The following DNAH10 variants were observed in gnomAD, a reference collection of about 807,000 sequenced individuals.
DNAH10 encodes the protein dynein axonemal heavy chain 10.
A neutral mutation model predicts 506.6 loss-of-function variants in DNAH10; 348 were observed. The ratio of observed to expected loss-of-function variants is 0.69; its 90% CI spans 0.63 to 0.75. The LOEUF (loss-of-function observed/expected upper bound fraction) is 0.75, where lower values mean the gene tolerates loss of function less well. Ranked by LOEUF, DNAH10 falls within the 30% of genes least tolerant of loss-of-function variation. The pLI, the probability that DNAH10 is intolerant of heterozygous loss-of-function variation, is 0.00. For missense variants in DNAH10, 5,179 were observed against 5,787.1 expected (o/e 0.89, Z 3.41); for synonymous variants, 2,059 against 2,198.6 (o/e 0.94, Z 1.78).
Position 123,876,901 on chromosome 12 carries a change from AGTAAGC to A in DNAH10, c.8200-834_8200-829del, listed in dbSNP as rs1302056892. Among the ~76,000 whole-genome samples the A allele has an allele frequency of 3.9e-5, 6 of 152,232 alleles. No individual in the cohort carries two copies. The East Asian group carries it at 9.6e-4, about 24-fold the overall frequency. ...CTTGAGCCCAAGAGGTCGAGGCTGC[AGTAAGC>A]CCTGATCATGCCCCTGCACTCCAGT... On this transcript the variant is annotated intron_variant, in intron 47 of 78. Coordinates refer to ENST00000673944, the MANE Select transcript of DNAH10 (RefSeq NM_001372106.1).
chr12:123,788,581 G>A (rs1048199595), intron 10 of DNAH10, among the ~76,000 whole-genome samples: 3 of 152,180 alleles, frequency 2.0e-5, no homozygotes, highest in East Asian at 1.9e-4. Context: ...TGCCCAGCCC[G>A]AGAGGGAGGT....
At chr12:123,896,108 ATC>A (rs1566063850) in intron 54 of DNAH10, among the ~76,000 whole-genome samples, 2 of 45,040 alleles carry the variant, frequency 4.4e-5, no homozygotes, top group African/African-American at 1.3e-4. Flanking sequence ...GTGAGACTTT[ATC>A]TCACACACAC....
At chr12:123,807,577 C>T (rs941248678) in intron 18 of DNAH10, among the ~76,000 whole-genome samples, 2 of 151,816 alleles carry the variant, frequency 1.3e-5, no homozygotes, top group African/African-American at 4.8e-5. Flanking sequence ...GTGGAAGAAA[C>T]AGAAAGAAGG....
chr12:123,821,226 G>T (rs1959369003), intron 24 of DNAH10, among the ~76,000 whole-genome samples: 1 of 152,020 alleles, frequency 6.6e-6, no homozygotes, highest in African/African-American at 2.4e-5. Flanking sequence ...CTCCAGCCTG[G>T]GCGACAAGAG....
At chr12:123,865,500 T>A (rs1346330072) in intron 40 of DNAH10, among the ~76,000 whole-genome samples, 1 of 152,160 alleles carries the variant, frequency 6.6e-6, no homozygotes, top group Non-Finnish European at 1.5e-5. Context: ...ACTATATTTT[T>A]TTTGTAGAGA....
At chr12:123,929,109 C>T in intron 70 of DNAH10, 166 bp from the exon 71 acceptor site, 5 of 700,564 alleles carry the variant, frequency 7.1e-6, no homozygotes, top group Non-Finnish European at 1.2e-5. Flanking sequence ...ACATCTAGTC[C>T]TTTAACTTCT....
intron 56 of DNAH10, among the ~76,000 whole-genome samples, chr12:123,901,822 A>G (rs1024949821): frequency 5.9e-5 from 9 of 151,906 alleles, no homozygotes; most frequent in African/African-American, 1.9e-4. Flanking sequence ...CACCACGCCT[A>G]GCTAATTTTT....
At chr12:123,897,289 T>C (rs1475117109) in intron 54 of DNAH10, among the ~76,000 whole-genome samples, 1 of 152,236 alleles carries the variant, frequency 6.6e-6, no homozygotes, top group African/African-American at 2.4e-5. Context: ...CTTATTGTGA[T>C]AGTCTACAGT....
At chr12:123,801,499 T>A (rs1371855544) in intron 16 of DNAH10, 67 bp downstream of exon 16, 3 of 1,544,580 alleles carry the variant, frequency 1.9e-6, no homozygotes, top group African/African-American at 1.4e-5. Context: ...TAGGTTGTTT[T>A]ATTTGAATTA....
intron 67 of DNAH10, among the ~76,000 whole-genome samples, 179 bp downstream of exon 67, chr12:123,924,611 G>C (rs1954858582): frequency 6.6e-6 from 1 of 152,026 alleles, no homozygotes; most frequent in Admixed American, 6.6e-5. Flanking sequence ...CTAGTTGTAT[G>C]GGAGATCCAA....
intron 65 of DNAH10, among the ~76,000 whole-genome samples, chr12:123,921,690 A>ATTTTTTTTTTTTTTTTTTTTTT (rs1566107321): frequency 1.0e-5 from 1 of 98,234 alleles, no homozygotes; most frequent in African/African-American, 4.0e-5. Context: ...TGTAGCTTGC[A>ATTTTTTTTTTTTTTTTTTTTTT]GTTTTTTTTT....
At chr12:123,929,179 A>G (rs1288994812) in intron 70 of DNAH10, 96 bp from the exon 71 acceptor site, 3 of 1,288,602 alleles carry the variant, frequency 2.3e-6, no homozygotes, top group Non-Finnish European at 3.3e-6. Flanking sequence ...ATGGCTCCGT[A>G]GAGAGGAAGG....
At chr12:123,914,770 T>C (rs2137494807) in intron 61 of DNAH10, 82 bp from the exon 62 acceptor site, 3 of 1,524,936 alleles carry the variant, frequency 2.0e-6, no homozygotes, top group Non-Finnish European at 2.6e-6. Context: ...TAGATTGTTC[T>C]GGAAGGCCAG....
At position 123,933,411 on chromosome 12, in the gene DNAH10, C is replaced by T; in HGVS notation, c.13377C>T (p.Ala4459=). Residue 4459 remains alanine (A), a synonymous_variant, in exon 77 of 79, where the codon GCC becomes GCT. Coordinates refer to ENST00000673944, the MANE Select transcript of DNAH10 (RefSeq NM_001372106.1). ...PESYLTALVQ[A]TCRKNGWPLD... ...CCTACCTCACGGCGCTGGTGCAGGC[C>T]ACCTGCCGGAAGAACGGCTGGCCAC... The T allele has an allele frequency of 6.2e-7, 1 of 1,612,350 alleles. No homozygotes were observed. The highest frequency in any genetic ancestry group is 1.3e-5 in the African/African-American group (1 of 75,028).
At chr12:123,763,869 C>CTTT (rs59694804) in intron 1 of DNAH10, among the ~76,000 whole-genome samples, 3 of 121,260 alleles carry the variant, frequency 2.5e-5, no homozygotes, top group African/African-American at 6.0e-5. Flanking sequence ...CTGGCCACTT[C>CTTT]TTTTTTTTTT....
At chr12:123,875,666 G>A (rs543473968) in intron 47 of DNAH10, among the ~76,000 whole-genome samples, 175 bp downstream of exon 47, 1 of 152,232 alleles carries the variant, frequency 6.6e-6, no homozygotes, top group Non-Finnish European at 1.5e-5. Flanking sequence ...ATCTTTATAC[G>A]ATGCCATTAT....
intron 35 of DNAH10, among the ~76,000 whole-genome samples, chr12:123,852,377 T>C (rs989014295): frequency 2.0e-5 from 3 of 152,222 alleles, no homozygotes; most frequent in Non-Finnish European, 1.5e-5. Flanking sequence ...TAGAGGGTTG[T>C]CACATTGCGT....
At chr12:123,934,976 C>T in intron 78 of DNAH10, 1 of 663,580 alleles carries the variant, frequency 1.5e-6, no homozygotes, top group Non-Finnish European at 2.5e-6. Flanking sequence ...GCCGGTCCTT[C>T]CAGAGGTGTC....
chr12:123,929,855 C>T lies in DNAH10; in HGVS notation c.12612+96C>T, dbSNP rs187566230. Reference sequence around the variant, plus strand: ...TCCTCTGAGCCCTCAGAACCAGCCTCTTCTGCCCCTGTGTTCCCCTTGGGT... The same window carrying T: ...TCCTCTGAGCCCTCAGAACCAGCCTTTTCTGCCCCTGTGTTCCCCTTGGGT... On this transcript the variant is annotated intron_variant, in intron 72 of 78. Coordinates refer to ENST00000673944, the MANE Select transcript of DNAH10 (RefSeq NM_001372106.1). The T allele has an allele frequency of 3.7e-6, 4 of 1,086,110 alleles. No homozygotes were observed. In the East Asian group the frequency reaches 7.7e-5, roughly 21 times the overall value. The allele number at this position is 1,086,110 out of a possible 1,614,324, so 67.3% of individuals were successfully genotyped here.
Sources: gnomAD v4.1 joint callset for allele counts (sites outside exome capture counted in the v4.1 genomes callset) on GRCh38, gnomAD v4.1.1 for gene constraint, MANE v1.5 for transcripts, NCBI Gene and HGNC (gene_info 2026-07-23, HGNC 2026-07-21) for gene names.